Variants in NECAB3 observed in about 807,000 individuals in gnomAD.
The protein encoded by NECAB3 is N-terminal EF-hand calcium-binding protein 3.
A neutral mutation model predicts 57.2 loss-of-function variants in NECAB3; 38 were observed. That is an observed-to-expected ratio of 0.66 (90% CI 0.51 to 0.87). The LOEUF (loss-of-function observed/expected upper bound fraction) is 0.87. NECAB3 is among the 40% of genes least tolerant of loss of function. The pLI is 0.00. For missense variants in NECAB3, 474 were observed against 527.5 expected (o/e 0.90, Z 0.99); for synonymous variants, 223 against 222.6 (o/e 1.00, Z -0.02).
In NECAB3 at chr20:33,666,197, A is replaced by G. The variant is rs921678685; in HGVS notation, c.387+3178T>C. ...CTCGGGGGCTCTTCAGGGAAGCTGC[A>G]GATCTGTGATGAAAAAGCTTTTTCT... On this transcript the variant is annotated intron_variant, in intron 5 of 11. Transcript: ENST00000246190. Among the ~76,000 whole-genome samples the G allele has an allele frequency of 5.6e-4, 86 of 152,224 alleles. 1 individual carries two copies. The highest frequency in any genetic ancestry group is 2.6e-4 in the Admixed American group (4 of 15,282).
rs547905439 is a variant in NECAB3 at position 33,660,750 on chromosome 20, G to A, written c.388-355C>T. ...AGCTAGGCTGGGTGGGGGCTATCAC[G>A]AGGTATCCAAGGGCCAATGTTGACA... On this transcript the variant is annotated intron_variant, in intron 5 of 11. Transcript: ENST00000246190. This position sits in a 1 kb window ranked among gnomAD's most constrained non-coding sequence, Gnocchi z 4.1. Among the ~76,000 whole-genome samples, 14 of 152,344 alleles carry A rather than the reference G, an allele frequency of 9.2e-5. No homozygotes were observed. The highest frequency in any genetic ancestry group is 6.8e-3 in the Middle Eastern group (2 of 294).
intron 5 of NECAB3, chr20:33,663,295 G>T (rs957402195): frequency 1.8e-6 from 1 of 563,858 alleles, no homozygotes; most frequent in Non-Finnish European, 3.1e-6. Context: ...GCCTGGGATG[G>T]ATGAGGGTTT....
At chr20:33,669,831 C>G (rs989474088) in intron 3 of NECAB3, 119 bp from the exon 4 acceptor site, 7 of 1,095,696 alleles carry the variant, frequency 6.4e-6, no homozygotes, top group Non-Finnish European at 7.8e-6. Context: ...GCCACTTCTG[C>G]TCCACCCCAG....
chr20:33,660,327 C>T lies in NECAB3; in HGVS notation c.456G>A (p.Gln152=). ...CCAGCGAGCTCTGAAGGGCTTGCAG[C>T]TGGCTCACCGTCTCCCGCAGCAGGA... ...TRFLLRETVS[Q]LQALQSSLEG... The change falls in exon 6 of 12, where the codon CAG becomes CAA. Residue 152 remains glutamine (Q), a synonymous_variant. Transcript: ENST00000246190. The surrounding 1 kb of genome is among the most constrained non-coding windows in gnomAD (Gnocchi z 4.1). 2 of 1,613,536 alleles carry T rather than the reference C, an allele frequency of 1.2e-6. No individual in the cohort carries two copies. The highest frequency in any genetic ancestry group is 1.7e-6 in the Non-Finnish European group (2 of 1,180,008).
At chr20:33,667,440 G>A in intron 5 of NECAB3, 1 of 1,411,062 alleles carries the variant, frequency 7.1e-7, no homozygotes. Flanking sequence ...CGCCGCCCGC[G>A]GGCCGCGAAA....
chr20:33,662,295 GC>G, intron 5 of NECAB3: 1 of 1,545,310 alleles, frequency 6.5e-7, no homozygotes, highest in South Asian at 1.2e-5. Context: ...GGCCCAGGGG[GC>G]AGAGCAGACG....
At chr20:33,659,801 A>C (rs2017403792) in intron 7 of NECAB3, 69 bp from the exon 8 acceptor site, 1 of 1,531,562 alleles carries the variant, frequency 6.5e-7, no homozygotes, top group Admixed American at 2.0e-5. Flanking sequence ...GAATGAAGTG[A>C]GGGGCAGTGA....
intron 3 of NECAB3, among the ~76,000 whole-genome samples, 154 bp from the exon 4 acceptor site, chr20:33,669,866 T>C (rs1251102003): frequency 3.3e-5 from 5 of 152,084 alleles, no homozygotes; most frequent in African/African-American, 1.2e-4. Context: ...GTGGACAGAG[T>C]CCTTGCAGGG....
intron 7 of NECAB3, 42 bp from the exon 8 acceptor site, chr20:33,659,774 G>A: frequency 1.9e-6 from 3 of 1,539,830 alleles, no homozygotes; most frequent in African/African-American, 1.4e-5. Flanking sequence ...GGGCCTCTCA[G>A]GTCCCGCAGG....
intron 10 of NECAB3, 36 bp downstream of exon 10, chr20:33,658,441 A>C: frequency 6.2e-7 from 1 of 1,601,366 alleles, no homozygotes; most frequent in South Asian, 1.1e-5. Context: ...CCAGGGCCAC[A>C]TTCCATGGTG....
chr20:33,665,336 A>C (rs1467480988), intron 5 of NECAB3: 2 of 152,428 alleles, frequency 1.3e-5, no homozygotes, highest in East Asian at 3.9e-4. Flanking sequence ...CTAGCCAGGC[A>C]TCATGGCGGG....
Position 33,660,509 on chromosome 20 carries a change from C to T in NECAB3, c.388-114G>A, listed in dbSNP as rs372863082. ...GGTGGCAGTGCCAAGAGCAGGGGCA[C>T]GCAAACCTGGCACAGGCAGGAGGGT... On this transcript the variant is annotated intron_variant, in intron 5 of 11. Transcript: ENST00000246190. The surrounding 1 kb of genome is among the most constrained non-coding windows in gnomAD (Gnocchi z 4.1). 2.0e-5 allele frequency: 28 copies of T among 1,399,264 alleles called. No homozygotes were observed. Among genetic ancestry groups the T allele is most frequent in the South Asian group, 2.6e-5 (2 of 75,520 alleles). 86.7% of individuals were successfully genotyped at this position (1,399,264 alleles called of 1,614,324 possible).
In NECAB3 at chr20:33,669,475, G is replaced by A. The variant is rs1274735656; in HGVS notation, c.290-3C>T. 4.3e-6 allele frequency: 7 copies of A among 1,613,638 alleles called. No homozygotes were observed. The highest frequency in any genetic ancestry group is 5.9e-6 in the Non-Finnish European group (7 of 1,179,998). On this transcript the variant is annotated splice_region_variant and splice_polypyrimidine_tract_variant and intron_variant, in intron 4 of 11. Coordinates refer to ENST00000246190, the MANE Select transcript of NECAB3 (RefSeq NM_031232.4). ...ACCCAGGTGCTCTGAGAAGTAGTCTGCAGGCAGAAGAGGTGCTCAAGGGTT... is the reference window on the plus strand; with the variant it reads ...ACCCAGGTGCTCTGAGAAGTAGTCTACAGGCAGAAGAGGTGCTCAAGGGTT...
At chr20:33,670,908 G>A (rs982863823) in intron 2 of NECAB3, 116 bp from the exon 3 acceptor site, 37 of 675,200 alleles carry the variant, frequency 5.5e-5, no homozygotes, top group Non-Finnish European at 9.4e-5. Context: ...CATCTAGCTA[G>A]GTGAGATGGG....
rs759305133 is a variant in NECAB3, at chr20:33,669,729, A to T, written c.264-17T>A. Reference sequence around the variant, plus strand: ...TCTAAATTGCTGCAGGGAAAAGAGAAGGCGCCCTTCAGACCTGGGCCTGGT... The same window carrying T: ...TCTAAATTGCTGCAGGGAAAAGAGATGGCGCCCTTCAGACCTGGGCCTGGT... On this transcript the variant is annotated splice_polypyrimidine_tract_variant and intron_variant, in intron 3 of 11. Coordinates refer to ENST00000246190, the MANE Select transcript of NECAB3 (RefSeq NM_031232.4). 2.5e-6 allele frequency: 4 copies of T among 1,587,386 alleles called. No individual in the cohort carries two copies. The highest frequency in any genetic ancestry group is 3.4e-6 in the Non-Finnish European group (4 of 1,166,542).
At chr20:33,662,467 CG>C in intron 5 of NECAB3, 2 of 1,551,534 alleles carry the variant, frequency 1.3e-6, no homozygotes, top group Non-Finnish European at 1.7e-6. Flanking sequence ...CGGAAGAAGC[CG>C]GCTGTGAGGG....
At chr20:33,667,156 C>T (rs573584848) in intron 5 of NECAB3, 5 of 225,416 alleles carry the variant, frequency 2.2e-5, no homozygotes, top group Non-Finnish European at 4.3e-5. Context: ...GGTGGTGGAC[C>T]AGGGCTCGGG....
In NECAB3 at chr20:33,669,722, A is replaced by G; in HGVS notation, c.264-10T>C. The G allele has an allele frequency of 6.3e-7, 1 of 1,591,338 alleles. No individual in the cohort carries two copies. The highest frequency in any genetic ancestry group is 8.6e-7 in the Non-Finnish European group (1 of 1,168,592). Reference sequence around the variant, plus strand: ...TTCTGTTTCTAAATTGCTGCAGGGAAAAGAGAAGGCGCCCTTCAGACCTGG... The same window carrying G: ...TTCTGTTTCTAAATTGCTGCAGGGAGAAGAGAAGGCGCCCTTCAGACCTGG... On this transcript the variant is annotated splice_polypyrimidine_tract_variant and intron_variant, in intron 3 of 11. Coordinates refer to ENST00000246190, the MANE Select transcript of NECAB3 (RefSeq NM_031232.4).
chr20:33,672,529 C>T (rs2017849642), intron 1 of NECAB3, 107 bp from the exon 2 acceptor site: 2 of 1,350,428 alleles, frequency 1.5e-6, no homozygotes, highest in South Asian at 2.4e-5. Flanking sequence ...CCCTGCCTCG[C>T]CTTTCCTCCC....
Sources: gnomAD v4.1 joint callset for allele counts (sites outside exome capture counted in the v4.1 genomes callset) on GRCh38, gnomAD v4.1.1 for gene constraint, Gnocchi (gnomAD v3.1) non-coding constraint, MANE v1.5 for transcripts, NCBI Gene and HGNC (gene_info 2026-07-23, HGNC 2026-07-21) for gene names.